Variants in ZNF385B observed in about 807,000 individuals in gnomAD.
ZNF385B encodes zinc finger protein 533.
Under a neutral mutation model 39.2 loss-of-function variants are expected in ZNF385B, and 23 were observed. The observed-to-expected ratio is 0.59, with a 90% CI of 0.42 to 0.83. The LOEUF is 0.83. Among genes scored for constraint, ZNF385B ranks in the 40% least tolerant of loss-of-function variants. The probability of loss-of-function intolerance (pLI) is 0.00; values close to 1 mark genes in which losing one functional copy is unlikely to be tolerated. For missense variants in ZNF385B, 552 were observed against 598.9 expected, an observed-to-expected ratio of 0.92 and a Z score of 0.82; for synonymous variants, 205 against 222.6, an observed-to-expected ratio of 0.92 and a Z score of 0.70.
chr2:179,691,625 T>C (rs1698361800), intron 3 of ZNF385B, among the ~76,000 whole-genome samples: 1 of 152,154 alleles, frequency 6.6e-6, no homozygotes, highest in African/African-American at 2.4e-5. Flanking sequence ...CTCTACTTAC[T>C]AAAAAGTACT....
intron 3 of ZNF385B, among the ~76,000 whole-genome samples, chr2:179,619,564 C>G (rs1690039845): frequency 1.3e-5 from 2 of 152,266 alleles, no homozygotes; most frequent in Non-Finnish European, 1.5e-5. Flanking sequence ...GAAAAAGAAA[C>G]AGTGATACTT....
At chr2:179,497,687 C>T (rs1017698425) in intron 5 of ZNF385B, among the ~76,000 whole-genome samples, 1 of 151,806 alleles carries the variant, frequency 6.6e-6, no homozygotes, top group Admixed American at 6.6e-5. Context: ...CCAGAAAACA[C>T]ATAAAAAAAT....
At chr2:179,803,592 C>A (rs1284472502) in intron 1 of ZNF385B, among the ~76,000 whole-genome samples, 1 of 152,134 alleles carries the variant, frequency 6.6e-6, no homozygotes, top group Non-Finnish European at 1.5e-5. Context: ...ATAAACTGTG[C>A]ATGATATTTT....
chr2:179,668,052 G>C (rs1278106731), intron 3 of ZNF385B, among the ~76,000 whole-genome samples: 1 of 152,166 alleles, frequency 6.6e-6, no homozygotes, highest in Non-Finnish European at 1.5e-5. Flanking sequence ...AAGAGCAAAA[G>C]TTAATCACAA....
chr2:179,832,321 C>G (rs78258038), intron 1 of ZNF385B, among the ~76,000 whole-genome samples: 177 of 152,258 alleles, frequency 1.2e-3, no homozygotes, highest in African/African-American at 3.9e-3. Flanking sequence ...AGTCTCACTA[C>G]AGCTCTTCTA....
chr2:179,841,763 T>C (rs1017233087), intron 1 of ZNF385B, among the ~76,000 whole-genome samples: 1 of 152,196 alleles, frequency 6.6e-6, no homozygotes, highest in Non-Finnish European at 1.5e-5. Flanking sequence ...GAGAATTTCT[T>C]CCTATCCTAG....
chr2:179,480,218 G>A (rs1490633173), intron 6 of ZNF385B, among the ~76,000 whole-genome samples: 1 of 152,122 alleles, frequency 6.6e-6, no homozygotes, highest in Non-Finnish European at 1.5e-5. Context: ...GACCAATGCT[G>A]GGGAATTTCA....
intron 6 of ZNF385B, among the ~76,000 whole-genome samples, chr2:179,453,060 C>T (rs959259509): frequency 3.3e-5 from 5 of 152,136 alleles, no homozygotes; most frequent in African/African-American, 1.2e-4. Context: ...ACATACTGTT[C>T]TGTAACTAAT....
intron 6 of ZNF385B, among the ~76,000 whole-genome samples, chr2:179,461,715 T>C (rs576284369): frequency 6.6e-6 from 1 of 152,300 alleles, no homozygotes; most frequent in African/African-American, 2.4e-5. Context: ...CCTTTTCTTA[T>C]TGACTTTAAG....
intron 4 of ZNF385B, among the ~76,000 whole-genome samples, chr2:179,539,102 T>A (rs2059758609): frequency 6.6e-6 from 1 of 152,222 alleles, no homozygotes; most frequent in African/African-American, 2.4e-5. Flanking sequence ...ATATACTGGG[T>A]AGCTTAAAAA....
At chr2:179,649,840 T>A (rs550151217) in intron 3 of ZNF385B, among the ~76,000 whole-genome samples, 5 of 152,350 alleles carry the variant, frequency 3.3e-5, no homozygotes, top group African/African-American at 9.6e-5. Context: ...TTTTACCATG[T>A]TACATTTTGC....
intron 3 of ZNF385B, among the ~76,000 whole-genome samples, chr2:179,547,255 T>C (rs1295568389): frequency 6.7e-6 from 1 of 149,690 alleles, no homozygotes; most frequent in Non-Finnish European, 1.5e-5. Flanking sequence ...TTTCCTTGCC[T>C]GTGCTTGGAG....
At chr2:179,635,226 C>T (rs1691642121) in intron 3 of ZNF385B, among the ~76,000 whole-genome samples, 2 of 151,946 alleles carry the variant, frequency 1.3e-5, no homozygotes, top group African/African-American at 4.8e-5. Flanking sequence ...GAGTTCATGT[C>T]CTTTACAGGG....
chr2:179,688,271 C>T (rs566677394), intron 3 of ZNF385B, among the ~76,000 whole-genome samples: 5 of 152,208 alleles, frequency 3.3e-5, no homozygotes, highest in African/African-American at 9.6e-5. Flanking sequence ...TAGGGAAGTA[C>T]AAAGTTTGGA....
intron 5 of ZNF385B, among the ~76,000 whole-genome samples, chr2:179,516,419 A>C (rs1211775810): frequency 6.6e-6 from 1 of 152,128 alleles, no homozygotes; most frequent in Non-Finnish European, 1.5e-5. Flanking sequence ...TGAGAGGTCC[A>C]GTTGCTCCTC....
At chr2:179,564,968 C>A (rs1332053029) in intron 3 of ZNF385B, among the ~76,000 whole-genome samples, 1 of 152,186 alleles carries the variant, frequency 6.6e-6, no homozygotes, top group Admixed American at 6.6e-5. Context: ...TATTTGACTT[C>A]TCCCTCTTCC....
rs557999172 is a variant in ZNF385B, at chr2:179,548,725, A to G, written c.299-3756T>C. On this transcript the variant is annotated intron_variant, in intron 3 of 9. Coordinates refer to ENST00000410066, the MANE Select transcript of ZNF385B (RefSeq NM_152520.6). ...GTGCAGGGAAACTGCCTTTTATGAA[A>G]CCATCAGATCTCATGAGACTTATTC... 3.4e-4 allele frequency among the ~76,000 whole-genome samples: 50 copies of G among 149,138 alleles called. 1 individual carries two copies. In the South Asian group the frequency reaches 0.01, roughly 31 times the overall value.
chr2:179,684,407 C>T (rs1373441424), intron 3 of ZNF385B, among the ~76,000 whole-genome samples: 2 of 152,152 alleles, frequency 1.3e-5, no homozygotes, highest in Admixed American at 6.5e-5. Context: ...AACAAGAAAG[C>T]CTTAGGTTAC....
intron 5 of ZNF385B, among the ~76,000 whole-genome samples, chr2:179,515,462 G>A (rs530734336): frequency 6.6e-6 from 1 of 152,218 alleles, no homozygotes; most frequent in East Asian, 1.9e-4. Flanking sequence ...TCTTTAGGTG[G>A]GCATTTGTTT....
Sources: gnomAD v4.1 joint callset for allele counts (sites outside exome capture counted in the v4.1 genomes callset) on GRCh38, gnomAD v4.1.1 for gene constraint, MANE v1.5 for transcripts, NCBI Gene and HGNC (gene_info 2026-07-23, HGNC 2026-07-21) for gene names.